DMD: variants seen among roughly 807,000 people sequenced by gnomAD.
DMD encodes dystrophin.
DMD carries 63 observed loss-of-function variants against 330.1 expected under a neutral mutation model. That is an observed-to-expected ratio of 0.19 (90% CI 0.16 to 0.24). The LOEUF is 0.24. DMD is among the 10% of genes least tolerant of loss of function. DMD has a pLI of 1.00. For synonymous variants in DMD, 1,223 were observed against 959.8 expected, an observed-to-expected ratio of 1.27 and a Z score of -5.07; for missense variants, 3,344 against 2,684.1, an observed-to-expected ratio of 1.25 and a Z score of -5.43.
At chrX:31,682,076 A>G (rs1407304776) in intron 52 of DMD, among the ~76,000 whole-genome samples, 1 of 112,115 alleles carries the variant, frequency 8.9e-6, no homozygotes, top group Non-Finnish European at 1.9e-5. Context: ...GCAAAACTCC[A>G]TCTCAAAAAT....
intron 55 of DMD, 148 bp from the exon 56 acceptor site, chrX:31,507,601 C>T: frequency 3.5e-6 from 2 of 572,369 alleles, no homozygotes; most frequent in South Asian, 3.2e-5. Flanking sequence ...AGATACATCT[C>T]AAATCCCTTT....
chrX:31,879,040 G>C (rs987231559), intron 47 of DMD, among the ~76,000 whole-genome samples: 2 of 111,889 alleles, frequency 1.8e-5, no homozygotes, highest in East Asian at 5.6e-4. Flanking sequence ...TGCAGTGAGG[G>C]TAGAGCAGAT....
intron 67 of DMD, among the ~76,000 whole-genome samples, chrX:31,192,195 G>A (rs1048874487): frequency 8.9e-6 from 1 of 112,079 alleles, no homozygotes; most frequent in Non-Finnish European, 1.9e-5. Context: ...GAATATTAAT[G>A]ACTCTTCTTC....
chrX:31,418,582 A>G (rs886964802), intron 60 of DMD, among the ~76,000 whole-genome samples: 1 of 112,075 alleles, frequency 8.9e-6, no homozygotes, highest in African/African-American at 3.2e-5. Flanking sequence ...CCAAGGCCAC[A>G]TGACTCCATG....
At chrX:33,012,014 C>G (rs1248524669) in intron 2 of DMD, among the ~76,000 whole-genome samples, 1 of 111,094 alleles carries the variant, frequency 9.0e-6, no homozygotes, top group Non-Finnish European at 1.9e-5. Flanking sequence ...ACCTAGAGAC[C>G]AAAACATTTA....
intron 2 of DMD, among the ~76,000 whole-genome samples, chrX:32,929,424 TTCTC>T (rs71931689): frequency 4.7e-4 from 49 of 104,400 alleles, no homozygotes; most frequent in Non-Finnish European, 6.1e-4. Flanking sequence ...ACCAGCAGCT[TTCTC>T]TCTCTCTCTC....
chrX:32,292,903 A>C (rs1010875286), intron 42 of DMD, among the ~76,000 whole-genome samples: 49 of 112,570 alleles, frequency 4.4e-4, no homozygotes, highest in African/African-American at 1.5e-3. Context: ...CCTTATAAAA[A>C]GCAACTGTGT....
At chrX:31,810,517 C>T (rs1246233383) in intron 50 of DMD, among the ~76,000 whole-genome samples, 2 of 112,098 alleles carry the variant, frequency 1.8e-5, no homozygotes, top group Non-Finnish European at 3.8e-5. Context: ...ATTGGTAGAA[C>T]TCCATCTGCT....
intron 2 of DMD, among the ~76,000 whole-genome samples, chrX:33,006,930 C>T (rs1030288932): frequency 1.8e-5 from 2 of 110,739 alleles, no homozygotes; most frequent in Non-Finnish European, 3.8e-5. Flanking sequence ...TCTCCACTCT[C>T]TCAATCTCCA....
chrX:31,538,568 G>A (rs780439083), intron 55 of DMD, among the ~76,000 whole-genome samples: 4 of 111,744 alleles, frequency 3.6e-5, no homozygotes, highest in Non-Finnish European at 7.5e-5. Context: ...TCTAATCCTT[G>A]GTAATTTGAA....
rs3032284 is a variant in DMD, at chrX:31,716,826, T to TACACAC, written c.7660+12799_7660+12804dup. ...ATCTACATGCATGAGTATATAAGAA[T>TACACAC]ACACACACACACACACACACACACA... On this transcript the variant is annotated intron_variant, in intron 52 of 78. Transcript: ENST00000357033. Among the ~76,000 whole-genome samples the TACACAC allele has an allele frequency of 1.7e-3, 160 of 96,455 alleles. 1 individual carries two copies. The highest frequency in any genetic ancestry group is 5.3e-3 in the African/African-American group (139 of 26,301). 83.8% of individuals were successfully genotyped at this position (96,455 alleles called of 115,157 possible).
intron 2 of DMD, among the ~76,000 whole-genome samples, chrX:32,861,071 G>A (rs1000402200): frequency 4.5e-5 from 5 of 111,888 alleles, no homozygotes; most frequent in African/African-American, 1.6e-4. Context: ...TCTGCAGTGT[G>A]ATCTTGGGCA....
intron 52 of DMD, among the ~76,000 whole-genome samples, chrX:31,702,152 T>A (rs5927811): frequency 0.1 from 11,317 of 111,704 alleles, 534 homozygotes; most frequent in Middle Eastern, 0.19. Flanking sequence ...CACTCCTCAC[T>A]CTCTTAGGCC....
intron 1 of DMD, among the ~76,000 whole-genome samples, chrX:33,253,371 G>A (rs1175292634): frequency 9.0e-6 from 1 of 111,445 alleles, no homozygotes; most frequent in Non-Finnish European, 1.9e-5. Flanking sequence ...ATGAAGACAC[G>A]AACTACTTCT....
At chrX:32,091,506 A>C (rs1013761340) in intron 44 of DMD, among the ~76,000 whole-genome samples, 2 of 110,587 alleles carry the variant, frequency 1.8e-5, no homozygotes, top group Admixed American at 9.7e-5. Flanking sequence ...AAGGGCTGCT[A>C]CAGCTATTTT....
rs538470382 is a variant in DMD, at chrX:32,586,872, G to A, written c.1602+8885C>T. On this transcript the variant is annotated intron_variant, in intron 13 of 78. Coordinates refer to ENST00000357033, the MANE Select transcript of DMD (RefSeq NM_004006.3). The stretch of plus-strand genomic sequence containing the variant: ...TACATACAAAGCATGTAAAACTCCT[G>A]AAAAATAATAATCTAATAATTATAA... Among the ~76,000 whole-genome samples, 29 of 111,007 alleles carry A rather than the reference G, an allele frequency of 2.6e-4. 1 individual carries two copies. The South Asian group carries it at 0.011, about 42-fold the overall frequency.
chrX:31,775,929 T>A (rs2090628559), intron 50 of DMD, among the ~76,000 whole-genome samples: 1 of 112,116 alleles, frequency 8.9e-6, no homozygotes, highest in Non-Finnish European at 1.9e-5. Context: ...TAAAAAAATT[T>A]GTGTCACGAA....
chrX:32,391,787 C>T (rs1042293855), intron 30 of DMD, among the ~76,000 whole-genome samples: 22 of 111,292 alleles, frequency 2.0e-4, no homozygotes, highest in Non-Finnish European at 3.2e-4. Flanking sequence ...GATGCTTGTA[C>T]GGAGGATGTC....
intron 12 of DMD, among the ~76,000 whole-genome samples, chrX:32,597,185 C>T: frequency 8.9e-6 from 1 of 111,775 alleles, no homozygotes; most frequent in Non-Finnish European, 1.9e-5. Flanking sequence ...CCTAGAGCAG[C>T]TTTTCATGAG....
Sources: gnomAD v4.1 joint callset for allele counts (sites outside exome capture counted in the v4.1 genomes callset) on GRCh38, gnomAD v4.1.1 for gene constraint, MANE v1.5 for transcripts, NCBI Gene and HGNC (gene_info 2026-07-23, HGNC 2026-07-21) for gene names.